DMD: variants seen among roughly 807,000 people sequenced by gnomAD.
The protein encoded by DMD is mutant dystrophin.
Under a neutral mutation model 330.1 loss-of-function variants are expected in DMD, and 63 were observed. That is an observed-to-expected ratio of 0.19 (90% confidence interval 0.16 to 0.24). DMD has a LOEUF of 0.24. Ranked by LOEUF, DMD falls within the 10% of genes least tolerant of loss-of-function variation. The pLI, the probability that DMD is intolerant of heterozygous loss-of-function variation, is 1.00. For missense variants in DMD, 3,344 were observed against 2,684.1 expected (o/e 1.25, Z -5.43); for synonymous variants, 1,223 against 959.8 (o/e 1.27, Z -5.07).
At chrX:33,067,610 G>A (rs2094684455) in intron 1 of DMD, among the ~76,000 whole-genome samples, 2 of 112,129 alleles carry the variant, frequency 1.8e-5, no homozygotes, top group Non-Finnish European at 3.8e-5. Context: ...GGAGGCCAAG[G>A]CGGGTGGATC....
intron 2 of DMD, among the ~76,000 whole-genome samples, chrX:32,997,096 A>T (rs1231670297): frequency 9.0e-6 from 1 of 111,361 alleles, no homozygotes; most frequent in East Asian, 2.8e-4. Flanking sequence ...TAGTGAAACC[A>T]TCACTCCAAT....
intron 2 of DMD, among the ~76,000 whole-genome samples, chrX:33,002,849 C>T (rs1602548293): frequency 6.7e-5 from 1 of 14,822 alleles, no homozygotes; most frequent in South Asian, 5.4e-3. Context: ...ATTTTTTTCT[C>T]GAAAAAAAAA....
At chrX:32,070,981 A>C (rs1485202185) in intron 44 of DMD, among the ~76,000 whole-genome samples, 1 of 111,628 alleles carries the variant, frequency 9.0e-6, no homozygotes, top group East Asian at 2.9e-4. Context: ...ATGTCCCTAC[A>C]AAGGACGTGA....
intron 55 of DMD, among the ~76,000 whole-genome samples, chrX:31,541,473 C>T (rs1166463825): frequency 8.0e-5 from 8 of 99,791 alleles, no homozygotes; most frequent in East Asian, 3.3e-4. Context: ...TATCTCCTAA[C>T]GCTATCCCTC....
intron 47 of DMD, among the ~76,000 whole-genome samples, chrX:31,876,221 C>G (rs1354441102): frequency 8.9e-6 from 1 of 112,699 alleles, no homozygotes; most frequent in East Asian, 2.8e-4. Flanking sequence ...TATGATCCCA[C>G]TATCACACAT....
intron 1 of DMD, among the ~76,000 whole-genome samples, chrX:33,233,045 G>A (rs1188221742): frequency 1.8e-5 from 2 of 110,890 alleles, no homozygotes; most frequent in Admixed American, 1.9e-4. Flanking sequence ...ATATCATAAT[G>A]CATCATATAT....
chrX:32,235,252 C>T (rs2097183384), intron 43 of DMD, among the ~76,000 whole-genome samples: 1 of 111,039 alleles, frequency 9.0e-6, no homozygotes, highest in Non-Finnish European at 1.9e-5. Context: ...ATTAGATTCT[C>T]ATAAGGAGCA....
chrX:32,725,771 C>A (rs185416944), intron 7 of DMD, among the ~76,000 whole-genome samples: 1 of 110,735 alleles, frequency 9.0e-6, no homozygotes, highest in Non-Finnish European at 1.9e-5. Flanking sequence ...ATAGTATTTG[C>A]GAGCACAGCA....
chrX:32,558,896 C>A (rs1156969221), intron 16 of DMD, among the ~76,000 whole-genome samples: 1 of 101,629 alleles, frequency 9.8e-6, no homozygotes, highest in African/African-American at 3.7e-5. Flanking sequence ...CAAAATGATA[C>A]AGTTAATTTC....
At chrX:32,892,715 A>G (rs1011997801) in intron 2 of DMD, among the ~76,000 whole-genome samples, 1 of 111,684 alleles carries the variant, frequency 9.0e-6, no homozygotes, top group Non-Finnish European at 1.9e-5. Flanking sequence ...TTCTTTCATA[A>G]CATTACACAC....
intron 1 of DMD, among the ~76,000 whole-genome samples, chrX:33,303,004 T>C (rs747672614): frequency 6.2e-5 from 7 of 112,014 alleles, no homozygotes; most frequent in African/African-American, 2.3e-4. Flanking sequence ...TCCCAGAATG[T>C]CGTATTGTTG....
At chrX:32,518,786 A>C (rs2046120214) in intron 17 of DMD, among the ~76,000 whole-genome samples, 1 of 110,644 alleles carries the variant, frequency 9.0e-6, no homozygotes, top group African/African-American at 3.3e-5. Flanking sequence ...ATGCAAATAA[A>C]GCCCTCTGTG....
chrX:31,661,366 T>C (rs2081114661), intron 53 of DMD, among the ~76,000 whole-genome samples: 2 of 110,722 alleles, frequency 1.8e-5, no homozygotes, highest in Admixed American at 1.9e-4. Context: ...AGCCTTTTTT[T>C]TTTTTCTCCC....
At chrX:33,279,818 A>G (rs2053295441) in intron 1 of DMD, among the ~76,000 whole-genome samples, 1 of 110,795 alleles carries the variant, frequency 9.0e-6, no homozygotes, top group Non-Finnish European at 1.9e-5. Context: ...TTGATGTTGA[A>G]CATTTTTTAA....
At chrX:31,530,721 T>A (rs1227692453) in intron 55 of DMD, among the ~76,000 whole-genome samples, 12 of 71,626 alleles carry the variant, frequency 1.7e-4, no homozygotes, top group African/African-American at 4.7e-4. Flanking sequence ...CATGTGCACA[T>A]TGTGCAGGTT....
chrX:33,250,110 T>TATATATATATATATATATATATATATA (rs748598265), intron 1 of DMD, among the ~76,000 whole-genome samples: 7 of 97,895 alleles, frequency 7.2e-5, no homozygotes, highest in African/African-American at 2.5e-4. Context: ...TATATATATA[T>TATATATATATATATATATATATATATA]ATCAATGTAC....
intron 42 of DMD, among the ~76,000 whole-genome samples, chrX:32,290,385 G>C (rs957601836): frequency 8.9e-6 from 1 of 112,138 alleles, no homozygotes; most frequent in African/African-American, 3.2e-5. Flanking sequence ...CAGGGATGTT[G>C]TTATCTGTTG....
intron 62 of DMD, among the ~76,000 whole-genome samples, chrX:31,280,354 A>G (rs1275585547): frequency 8.9e-6 from 1 of 112,273 alleles, no homozygotes; most frequent in Non-Finnish European, 1.9e-5. Context: ...ATACAAAAAT[A>G]CTGTATGATT....
At chrX:32,833,095 C>T (rs1469165691) in intron 4 of DMD, among the ~76,000 whole-genome samples, 1 of 111,340 alleles carries the variant, frequency 9.0e-6, no homozygotes, top group Non-Finnish European at 1.9e-5. Context: ...CTATATGCCA[C>T]GCATAGAATG....
Sources: allele counts gnomAD v4.1 joint callset (sites outside exome capture counted in the v4.1 genomes callset), GRCh38; gene constraint gnomAD v4.1.1; transcripts MANE v1.5; gene names NCBI Gene and HGNC (gene_info 2026-07-23, HGNC 2026-07-21).